Variants in MPP7 observed in about 807,000 individuals in gnomAD.
The protein encoded by MPP7 is MAGUK p55 scaffold protein 7, also known as MAGUK p55 subfamily member 7.
In MPP7, 60 loss-of-function variants were observed where a neutral mutation model predicts 76.5. The ratio of observed to expected loss-of-function variants is 0.78; its 90% CI spans 0.64 to 0.97. MPP7 has a LOEUF of 0.97. Ranked by LOEUF, MPP7 falls within the 50% of genes least tolerant of loss-of-function variation. The pLI, the probability that MPP7 is intolerant of heterozygous loss-of-function variation, is 0.00. For synonymous variants in MPP7, 237 were observed against 244.5 expected (o/e 0.97, Z 0.29); for missense variants, 641 against 694.0 (o/e 0.92, Z 0.86).
intron 3 of MPP7, among the ~76,000 whole-genome samples, chr10:28,172,837 T>C (rs573076399): frequency 1.3e-5 from 2 of 152,342 alleles, no homozygotes; most frequent in African/African-American, 4.8e-5. Flanking sequence ...TATTATTTAT[T>C]GAAATGGTTA....
chr10:28,304,365 A>T (rs958574905), upstream of MPP7, among the ~76,000 whole-genome samples: 2 of 152,196 alleles, frequency 1.3e-5, no homozygotes, highest in African/African-American at 4.8e-5. Flanking sequence ...AACTCCGTGA[A>T]TTACGTAATA....
chr10:28,295,076 G>A lies in MPP7; in HGVS notation c.-132+7785C>T, dbSNP rs74425286. On this transcript the variant is annotated intron_variant, in intron 1 of 16. Transcript: ENST00000683449. ...CCCAGACCGACTGATCAGAAATTCT[G>A]GGGCTGGAAGGCAGCTGCCTAAGGT... 4.0e-4 allele frequency among the ~76,000 whole-genome samples: 61 copies of A among 152,258 alleles called. No individual in the cohort carries two copies. The East Asian group carries it at 0.012, about 29-fold the overall frequency.
Position 28,094,295 on chromosome 10 carries a change from T to G in MPP7, c.953-4454A>C, listed in dbSNP as rs1161445934. On this transcript the variant is annotated intron_variant, in intron 11 of 16. Coordinates refer to ENST00000683449, the MANE Select transcript of MPP7 (RefSeq NM_001318170.2). Reference sequence around the variant, plus strand: ...TTACAATGCAAAGGAGCAAAGGCAGTGAGGTCGCAACAGGGGTTCCATGGG... The same window carrying G: ...TTACAATGCAAAGGAGCAAAGGCAGGGAGGTCGCAACAGGGGTTCCATGGG... Among the ~76,000 whole-genome samples, 570 of 152,160 alleles carry G rather than the reference T, an allele frequency of 3.7e-3. 1 individual carries two copies. Among genetic ancestry groups the G allele is most frequent in the African/African-American group, 0.013 (534 of 41,498 alleles).
At chr10:28,293,863 T>C (rs1840979438) in intron 1 of MPP7, among the ~76,000 whole-genome samples, 1 of 152,170 alleles carries the variant, frequency 6.6e-6, no homozygotes, top group Admixed American at 6.5e-5. Flanking sequence ...TAAGAGAGTG[T>C]TAACAGCTAA....
chr10:28,272,637 C>A (rs1196183242), intron 1 of MPP7, among the ~76,000 whole-genome samples: 1 of 152,016 alleles, frequency 6.6e-6, no homozygotes, highest in African/African-American at 2.4e-5. Context: ...CTAAACGTCA[C>A]CTTTTCATTA....
At chr10:28,307,032 G>T (rs892709326), upstream of MPP7, among the ~76,000 whole-genome samples, 2 of 152,200 alleles carry the variant, frequency 1.3e-5, no homozygotes, top group Non-Finnish European at 2.9e-5. Flanking sequence ...GATGGGGGCT[G>T]CAGGGGACCA....
intron 9 of MPP7, 35 bp from the exon 10 acceptor site, chr10:28,120,425 TA>T (rs1379363524): frequency 6.3e-7 from 1 of 1,581,868 alleles, no homozygotes; most frequent in Admixed American, 1.8e-5. Flanking sequence ...TGAATAAAGA[TA>T]AAAAATAAAT....
chr10:28,326,747 C>G (rs1433949312), intron 2 of MPP7, among the ~76,000 whole-genome samples: 2 of 152,190 alleles, frequency 1.3e-5, no homozygotes, highest in Non-Finnish European at 2.9e-5. Flanking sequence ...GCACAACGCT[C>G]TCAACAGCAA....
chr10:28,121,535 C>T (rs192728573), intron 8 of MPP7, among the ~76,000 whole-genome samples: 33 of 152,112 alleles, frequency 2.2e-4, no homozygotes, highest in Non-Finnish European at 4.6e-4. Flanking sequence ...AAAATAAGTA[C>T]CAGCACCCAC....
chr10:28,218,009 T>G (rs1383640239), intron 2 of MPP7, among the ~76,000 whole-genome samples: 2 of 152,230 alleles, frequency 1.3e-5, no homozygotes, highest in Non-Finnish European at 2.9e-5. Flanking sequence ...GGGTTGATGA[T>G]TCATAGCTCC....
chr10:28,120,652 G>C lies in MPP7; in HGVS notation c.632C>G (p.Ala211Gly). 1.9e-6 allele frequency: 3 copies of C among 1,613,474 alleles called. No homozygotes were observed. The South Asian group carries it at 3.3e-5, about 18-fold the overall frequency. Residue 211 changes from alanine to glycine, a missense_variant, in exon 9 of 17, where the codon GCA becomes GGA. Physicochemically the swap from Ala to Gly is moderately conservative, Grantham distance 60 (BLOSUM62 0). Transcript: ENST00000683449. Reference protein sequence around the residue: ...IIQILAQSQGAITFKIIPGSK... With the variant: ...IIQILAQSQGGITFKIIPGSK... ...GCCGGGTATAATCTTAAATGTAATTGCTCCCTGAGACTGAGCCTGGTAACA... is the reference window on the plus strand; with the variant it reads ...GCCGGGTATAATCTTAAATGTAATTCCTCCCTGAGACTGAGCCTGGTAACA...
intron 1 of MPP7, among the ~76,000 whole-genome samples, chr10:28,243,930 C>T (rs1468857105): frequency 6.6e-6 from 1 of 151,966 alleles, no homozygotes; most frequent in African/African-American, 2.4e-5. Flanking sequence ...CAATATAACC[C>T]ACATAATCAA....
At chr10:28,099,715 G>A (rs1853729228) in intron 11 of MPP7, among the ~76,000 whole-genome samples, 1 of 152,040 alleles carries the variant, frequency 6.6e-6, no homozygotes, top group Admixed American at 6.6e-5. Context: ...GCTGAGGCAG[G>A]AGAATCACTT....
At chr10:28,304,017 C>CA (rs146934440), upstream of MPP7, among the ~76,000 whole-genome samples, 2,851 of 148,682 alleles carry the variant, frequency 0.019, 81 homozygotes, top group African/African-American at 0.066. Context: ...AAGCAGAAGA[C>CA]AAAAAAAAAT....
chr10:28,287,142 G>C (rs1341766921), intron 1 of MPP7, among the ~76,000 whole-genome samples: 1 of 151,962 alleles, frequency 6.6e-6, no homozygotes, highest in Non-Finnish European at 1.5e-5. Flanking sequence ...TTAGCCTGTT[G>C]CTTCAAAAAA....
intron 3 of MPP7, among the ~76,000 whole-genome samples, chr10:28,201,871 A>G (rs533932064): frequency 2.0e-5 from 3 of 152,328 alleles, no homozygotes; most frequent in East Asian, 3.9e-4. Context: ...GTTGACCGTA[A>G]AAGAGTCTAA....
In MPP7 at chr10:28,147,405, C is replaced by T. The variant is rs1320020547; in HGVS notation, c.315+78G>A. The T allele has an allele frequency of 6.2e-6, 7 of 1,134,046 alleles. No individual in the cohort carries two copies. In the East Asian group the frequency reaches 1.6e-4, roughly 27 times the overall value. 70.2% of individuals were successfully genotyped at this position (1,134,046 alleles called of 1,614,324 possible). ...AAATACATTTACTTGAGAATTGATG[C>T]TCGAAACAAAATTCATCTGAAGGCT... On this transcript the variant is annotated intron_variant, in intron 5 of 16. Transcript: ENST00000683449.
intron 2 of MPP7, among the ~76,000 whole-genome samples, chr10:28,233,495 C>T (rs1037825801): frequency 6.6e-6 from 1 of 151,560 alleles, no homozygotes; most frequent in South Asian, 2.1e-4. Flanking sequence ...AATCACAAGG[C>T]CAGGAGACCG....
chr10:28,162,858 ACTCT>A (rs1169274459), intron 3 of MPP7, among the ~76,000 whole-genome samples: 1 of 145,118 alleles, frequency 6.9e-6, no homozygotes, highest in South Asian at 2.2e-4. Context: ...TCTTTCTCTC[ACTCT>A]CTCTCTCTCT....
Sources: gnomAD v4.1 joint callset for allele counts (sites outside exome capture counted in the v4.1 genomes callset) on GRCh38, gnomAD v4.1.1 for gene constraint, MANE v1.5 for transcripts, NCBI Gene and HGNC (gene_info 2026-07-23, HGNC 2026-07-21) for gene names.